FYB1: variants seen among roughly 807,000 people sequenced by gnomAD.
The protein encoded by FYB1 is FYN-binding protein 1.
A neutral mutation model predicts 94.1 loss-of-function variants in FYB1; 41 were observed. The observed-to-expected ratio is 0.44, with a 90% CI of 0.34 to 0.57. The LOEUF (loss-of-function observed/expected upper bound fraction) is 0.57. Among genes scored for constraint, FYB1 ranks in the 20% least tolerant of loss-of-function variants. FYB1 has a pLI of 0.02. For synonymous variants in FYB1, 367 were observed against 353.2 expected, an observed-to-expected ratio of 1.04 and a Z score of -0.44; for missense variants, 1,050 against 976.8, an observed-to-expected ratio of 1.07 and a Z score of -1.00.
At chr5:39,207,705 T>C (rs1318220150) in intron 1 of FYB1, among the ~76,000 whole-genome samples, 1 of 152,232 alleles carries the variant, frequency 6.6e-6, no homozygotes, top group Non-Finnish European at 1.5e-5. Flanking sequence ...TTTAGTTTTA[T>C]TGTTATATTA....
intron 1 of FYB1, 118 bp from the exon 2 acceptor site, chr5:39,203,105 C>A (rs536511689): frequency 4.2e-5 from 34 of 800,240 alleles, no homozygotes; most frequent in Middle Eastern, 3.8e-4. Flanking sequence ...GATTGGTTAG[C>A]AAGATATTGT....
At chr5:39,267,090 C>G (rs963217613) in intron 1 of FYB1, among the ~76,000 whole-genome samples, 1 of 152,116 alleles carries the variant, frequency 6.6e-6, no homozygotes. Flanking sequence ...TCAGTTTACT[C>G]AACTAGAAAA....
chr5:39,176,043 G>GC (rs1745688666), intron 2 of FYB1, among the ~76,000 whole-genome samples: 1 of 150,328 alleles, frequency 6.7e-6, no homozygotes, highest in South Asian at 2.1e-4. Context: ...CTCAAATACA[G>GC]CCTCCCTTCT....
Position 39,148,155 on chromosome 5 carries a change from TTATATATATATATATATATATA to T in FYB1, c.1292+5271_1292+5292del, listed in dbSNP as rs10528848. 7.3e-3 allele frequency among the ~76,000 whole-genome samples: 275 copies of T among 37,666 alleles called. 4 individuals carry two copies. Among genetic ancestry groups the T allele is most frequent in the African/African-American group, 0.028 (215 of 7,784 alleles). 24.7% of individuals were successfully genotyped at this position (37,666 alleles called of 152,430 possible). A position where few individuals can be genotyped will look rare whatever the true frequency, so the allele number is the denominator to read the frequency against. ...ATTATATGTATATTATATGTATTTTTTATATATATATATATATATATATATATATATATATATATATATATAT... is the reference window on the plus strand; with the variant it reads ...ATTATATGTATATTATATGTATTTTTTATATATATATATATATATATATAT... On this transcript the variant is annotated intron_variant, in intron 3 of 18. Coordinates refer to ENST00000512982, the MANE Select transcript of FYB1 (RefSeq NM_001465.6).
At chr5:39,231,753 C>CTTTTTTTT (rs1561294595) in intron 1 of FYB1, among the ~76,000 whole-genome samples, 1 of 151,992 alleles carries the variant, frequency 6.6e-6, no homozygotes, top group African/African-American at 2.4e-5. Flanking sequence ...AGAGCTATTT[C>CTTTTTTTT]TCTTTCACAG....
intron 2 of FYB1, among the ~76,000 whole-genome samples, chr5:39,156,529 A>T (rs1232509089): frequency 6.6e-6 from 1 of 152,202 alleles, no homozygotes; most frequent in Non-Finnish European, 1.5e-5. Context: ...GAAAGACATA[A>T]TGAGGCACTA....
chr5:39,273,275 A>C (rs1447827306), intron 1 of FYB1, among the ~76,000 whole-genome samples: 5 of 152,136 alleles, frequency 3.3e-5, no homozygotes, highest in African/African-American at 1.2e-4. Flanking sequence ...GACATGGGAG[A>C]CTTTTCATTT....
intron 1 of FYB1, among the ~76,000 whole-genome samples, chr5:39,272,170 G>C (rs1204940338): frequency 6.6e-6 from 1 of 152,092 alleles, no homozygotes; most frequent in Admixed American, 6.6e-5. Flanking sequence ...TCAGGCATCA[G>C]TGTATTTCAA....
intron 1 of FYB1, among the ~76,000 whole-genome samples, chr5:39,241,003 T>G (rs1004871439): frequency 6.6e-6 from 1 of 152,166 alleles, no homozygotes; most frequent in African/African-American, 2.4e-5. Context: ...AAGAATGAGA[T>G]CATGTCCTCT....
At chr5:39,219,725 C>T (rs899199889), upstream of FYB1, 2 of 390,216 alleles carry the variant, frequency 5.1e-6, no homozygotes, top group Non-Finnish European at 7.0e-6. Flanking sequence ...GTCTGTTCAG[C>T]CTGGATACTT....
chr5:39,121,347 C>T (rs1410840915), intron 14 of FYB1, among the ~76,000 whole-genome samples: 2 of 151,942 alleles, frequency 1.3e-5, no homozygotes, highest in Non-Finnish European at 2.9e-5. Flanking sequence ...TTTGTTTTGC[C>T]TGTGGAACTT....
At chr5:39,261,917 T>C (rs898938934) in intron 1 of FYB1, among the ~76,000 whole-genome samples, 9 of 152,152 alleles carry the variant, frequency 5.9e-5, no homozygotes, top group Non-Finnish European at 1.3e-4. Flanking sequence ...CAAGCTAACG[T>C]AAATAATACT....
In FYB1 at chr5:39,106,790, A is replaced by T. The variant is rs1203410674; in HGVS notation, c.*653T>A. 6.6e-6 allele frequency: 1 copy of T among 152,114 alleles called. No individual in the cohort carries two copies. Among genetic ancestry groups the T allele is most frequent in the Non-Finnish European group, 1.5e-5 (1 of 67,952 alleles). The allele number at this position is 152,114 out of a possible 1,614,324, so 9.4% of individuals were successfully genotyped here. A position where few individuals can be genotyped will look rare whatever the true frequency, so the allele number is the denominator to read the frequency against. ...TGTTTTAGACTCTTCTACAGTTTAG[A>T]CTTCAATGTGCATACTAAATGCATA... On this transcript the variant is annotated 3_prime_UTR_variant, in exon 19 of 19. Coordinates refer to ENST00000512982, the MANE Select transcript of FYB1 (RefSeq NM_001465.6).
chr5:39,202,649 C>A lies in FYB1; in HGVS notation c.312G>T (p.Glu104Asp). The A allele has an allele frequency of 6.2e-7, 1 of 1,613,796 alleles. No homozygotes were observed. The highest frequency in any genetic ancestry group is 1.3e-5 in the African/African-American group (1 of 74,962). ...TPASLTTRDP[E>D]AKVGFLKPVG... The stretch of plus-strand genomic sequence containing the variant: ...CAGGTTTCAGAAATCCCACTTTCGC[C>A]TCGGGGTCTCTGGTGGTCAAGCTGG... The change falls in exon 2 of 19, where the codon GAG (glutamate) becomes GAT (aspartate). Residue 104 changes from glutamate (E) to aspartate (D), a missense_variant. Coordinates refer to ENST00000512982, the MANE Select transcript of FYB1 (RefSeq NM_001465.6).
chr5:39,127,577 A>G (rs1437533871), intron 11 of FYB1, among the ~76,000 whole-genome samples, 164 bp downstream of exon 11: 1 of 152,126 alleles, frequency 6.6e-6, no homozygotes, highest in African/African-American at 2.4e-5. Flanking sequence ...GTGTGGTGAA[A>G]TTACACTTCC....
chr5:39,138,994 TA>T, intron 5 of FYB1: 1 of 551,210 alleles, frequency 1.8e-6, no homozygotes, highest in Non-Finnish European at 3.2e-6. Context: ...TCTTGCTATA[TA>T]AATCAGACGT....
At position 39,106,646 on chromosome 5, in the gene FYB1, A is replaced by G. The variant is rs966947578; in HGVS notation, c.*797T>C. The G allele has an allele frequency of 1.3e-5, 2 of 152,102 alleles. No homozygotes were observed. Among genetic ancestry groups the G allele is most frequent in the Admixed American group, 6.6e-5 (1 of 15,258 alleles). The allele number at this position is 152,102 out of a possible 1,614,324, so 9.4% of individuals were successfully genotyped here. Reference sequence around the variant, plus strand: ...AAAAGCCTAGGTAGTTTCAAGGTCCATTCTTCCATTCCTCATGATTTTAGG... The same window carrying G: ...AAAAGCCTAGGTAGTTTCAAGGTCCGTTCTTCCATTCCTCATGATTTTAGG... On this transcript the variant is annotated 3_prime_UTR_variant, in exon 19 of 19. Coordinates refer to ENST00000512982, the MANE Select transcript of FYB1 (RefSeq NM_001465.6).
intron 2 of FYB1, among the ~76,000 whole-genome samples, chr5:39,184,393 G>T (rs1255755911): frequency 6.6e-6 from 1 of 152,114 alleles, no homozygotes; most frequent in African/African-American, 2.4e-5. Flanking sequence ...AATGTTGTTT[G>T]ACTTTATATG....
At chr5:39,273,954 T>C (rs1208059694) in intron 1 of FYB1, among the ~76,000 whole-genome samples, 4 of 152,110 alleles carry the variant, frequency 2.6e-5, no homozygotes, top group African/African-American at 9.7e-5. Context: ...AGACAGAGTC[T>C]TGCTCTGTCC....
Sources: gnomAD v4.1 joint callset for allele counts (sites outside exome capture counted in the v4.1 genomes callset) on GRCh38, gnomAD v4.1.1 for gene constraint, MANE v1.5 for transcripts, NCBI Gene and HGNC (gene_info 2026-07-23, HGNC 2026-07-21) for gene names.